Variants in AGAP1 observed in about 807,000 individuals in gnomAD.
AGAP1 encodes ArfGAP with GTPase domain, ankyrin repeat and PH domain 1.
AGAP1 carries 29 observed loss-of-function variants against 105.3 expected under a neutral mutation model. The observed-to-expected ratio is 0.28, with a 90% CI of 0.21 to 0.38. The LOEUF is 0.38. Ranked by LOEUF, AGAP1 falls within the 10% of genes least tolerant of loss-of-function variation. The probability of loss-of-function intolerance (pLI) is 1.00; values close to 1 mark genes in which losing one functional copy is unlikely to be tolerated. For missense variants in AGAP1, 998 were observed against 1,165.1 expected (o/e 0.86, Z 2.09); for synonymous variants, 509 against 485.9 (o/e 1.05, Z -0.63).
chr2:235,885,598 G>C (rs546222683), intron 10 of AGAP1, among the ~76,000 whole-genome samples: 1 of 152,178 alleles, frequency 6.6e-6, no homozygotes, highest in Non-Finnish European at 1.5e-5. Flanking sequence ...CCTTTTCTCT[G>C]CCCTCTCAAG....
chr2:235,827,256 T>C (rs1028415140), intron 9 of AGAP1, among the ~76,000 whole-genome samples: 1 of 152,160 alleles, frequency 6.6e-6, no homozygotes, highest in Non-Finnish European at 1.5e-5. Context: ...TTTCTCCAAG[T>C]GTTTGAGTGA....
At chr2:235,923,478 C>T (rs1368095122) in intron 11 of AGAP1, among the ~76,000 whole-genome samples, 1 of 152,190 alleles carries the variant, frequency 6.6e-6, no homozygotes, top group Non-Finnish European at 1.5e-5. Flanking sequence ...AGCAGGTAGC[C>T]AGCCCTCATG....
intron 1 of AGAP1, among the ~76,000 whole-genome samples, chr2:235,573,153 A>AT (rs1944630025): frequency 7.8e-6 from 1 of 128,646 alleles, no homozygotes; most frequent in Admixed American, 7.9e-5. Flanking sequence ...CCCAGGCTGC[A>AT]TTGCAGTGGC....
In AGAP1 at chr2:235,983,026, C is replaced by T. The variant is rs901310278; in HGVS notation, c.1645+14403C>T. Among the ~76,000 whole-genome samples, 3 of 152,130 alleles carry T rather than the reference C, an allele frequency of 2.0e-5. No homozygotes were observed. The highest frequency in any genetic ancestry group is 6.5e-5 in the Admixed American group (1 of 15,276). On this transcript the variant is annotated intron_variant, in intron 13 of 17. Transcript: ENST00000304032. The surrounding 1 kb of genome is among the most constrained non-coding windows in gnomAD (Gnocchi z 4.5). ...CACTCCTCCACACTGTTCAGATGAG[C>T]GATGTGTGAGCATGAGGAGACATTC...
rs936520402 is a variant in AGAP1, at chr2:235,970,648, C to T, written c.1645+2025C>T. Among the ~76,000 whole-genome samples, 3 of 152,212 alleles carry T rather than the reference C, an allele frequency of 2.0e-5. No homozygotes were observed. The highest frequency in any genetic ancestry group is 7.2e-5 in the African/African-American group (3 of 41,450). On this transcript the variant is annotated intron_variant, in intron 13 of 17. Coordinates refer to ENST00000304032, the MANE Select transcript of AGAP1 (RefSeq NM_001037131.3). This position sits in a 1 kb window ranked among gnomAD's most constrained non-coding sequence, Gnocchi z 5.4. ...ACAACCTGGTGGGAACTGACCGTTG[C>T]CACTTAGATACACGTTCATTATCCC...
intron 13 of AGAP1, among the ~76,000 whole-genome samples, chr2:235,990,518 C>T (rs912595759): frequency 6.6e-6 from 1 of 152,226 alleles, no homozygotes; most frequent in Non-Finnish European, 1.5e-5. Flanking sequence ...CTGGGGCTGT[C>T]AGCCAGAACA....
intron 1 of AGAP1, among the ~76,000 whole-genome samples, chr2:235,579,871 C>T (rs1475237740): frequency 6.6e-6 from 1 of 152,240 alleles, no homozygotes; most frequent in Non-Finnish European, 1.5e-5. Flanking sequence ...CACCCCCGCC[C>T]AGGGGAAACC....
Position 235,728,887 on chromosome 2 carries a change from G to T in AGAP1, c.310+11243G>T, listed in dbSNP as rs756446406. ...GTTGGATGAAGAAGGGAGGTTTGGA[G>T]CCTGGACGAGAGCAGGGGTTGTGGA... On this transcript the variant is annotated intron_variant, in intron 3 of 17. Coordinates refer to ENST00000304032, the MANE Select transcript of AGAP1 (RefSeq NM_001037131.3). This position sits in a 1 kb window ranked among gnomAD's most constrained non-coding sequence, Gnocchi z 4.3. Among the ~76,000 whole-genome samples the T allele has an allele frequency of 2.0e-5, 3 of 152,136 alleles. No individual in the cohort carries two copies. The highest frequency in any genetic ancestry group is 4.4e-5 in the Non-Finnish European group (3 of 68,024).
In AGAP1 at chr2:235,738,959, A is replaced by C. The variant is rs143460165; in HGVS notation, c.311-2004A>C. On this transcript the variant is annotated intron_variant, in intron 3 of 17. Coordinates refer to ENST00000304032, the MANE Select transcript of AGAP1 (RefSeq NM_001037131.3). ...TAAAAAGTTTTTTTAAAGGGAAATA[A>C]TACTACTATCACTGTTGCAGACTTT... Among the ~76,000 whole-genome samples the C allele has an allele frequency of 2.3e-3, 357 of 152,338 alleles. 4 individuals carry two copies. Among genetic ancestry groups the C allele is most frequent in the East Asian group, 0.02 (105 of 5,188 alleles).
At chr2:235,778,591 A>G (rs1281712172) in intron 6 of AGAP1, among the ~76,000 whole-genome samples, 1 of 151,930 alleles carries the variant, frequency 6.6e-6, no homozygotes, top group African/African-American at 2.4e-5. Context: ...TCTCCTCCCT[A>G]GTTCAGTTCT....
Position 235,689,298 on chromosome 2 carries a change from C to T in AGAP1, c.164-19881C>T, listed in dbSNP as rs906493624. Among the ~76,000 whole-genome samples, 4 of 152,276 alleles carry T rather than the reference C, an allele frequency of 2.6e-5. No homozygotes were observed. Among genetic ancestry groups the T allele is most frequent in the South Asian group, 2.1e-4 (1 of 4,822 alleles). ...AGAGCAATGGAGAGAGTGAGGTTGC[C>T]GTGTCCACAAGTCACTGCACAGCTC... On this transcript the variant is annotated intron_variant, in intron 1 of 17. Transcript: ENST00000304032. This position sits in a 1 kb window ranked among gnomAD's most constrained non-coding sequence, Gnocchi z 4.2.
chr2:235,944,066 G>T (rs922620933), intron 12 of AGAP1, among the ~76,000 whole-genome samples: 4 of 152,094 alleles, frequency 2.6e-5, no homozygotes, highest in Non-Finnish European at 4.4e-5. Flanking sequence ...AACATATTTA[G>T]TTATAAATGC....
At position 235,855,184 on chromosome 2, in the gene AGAP1, C is replaced by G. The variant is rs562402746; in HGVS notation, c.1051-28161C>G. ...CCTCATCAGGCCCCAGGTGGAAAAT[C>G]GGCGTGGTGACGCATGTGCTGCCAT... is the stretch of plus-strand genomic sequence containing the variant. On this transcript the variant is annotated intron_variant, in intron 9 of 17. Transcript: ENST00000304032. The surrounding 1 kb of genome is among the most constrained non-coding windows in gnomAD (Gnocchi z 5.0). Among the ~76,000 whole-genome samples the G allele has an allele frequency of 6.6e-6, 1 of 152,198 alleles. No homozygotes were observed. The highest frequency in any genetic ancestry group is 2.4e-5 in the African/African-American group (1 of 41,448).
chr2:235,940,032 A>T (rs1393870365), intron 12 of AGAP1, among the ~76,000 whole-genome samples: 1 of 152,118 alleles, frequency 6.6e-6, no homozygotes, highest in African/African-American at 2.4e-5. Context: ...AGCATATTTG[A>T]AGAACTCCAG....
At position 236,014,910 on chromosome 2, in the gene AGAP1, C is replaced by T. The variant is rs904421957; in HGVS notation, c.1646-21651C>T. 1.3e-5 allele frequency: 5 copies of T among 375,460 alleles called. No homozygotes were observed. Among genetic ancestry groups the T allele is most frequent in the Non-Finnish European group, 2.2e-5 (4 of 180,978 alleles). The allele number at this position is 375,460 out of a possible 1,614,324, so 23.3% of individuals were successfully genotyped here. A position where few individuals can be genotyped will look rare whatever the true frequency, so the allele number is the denominator to read the frequency against. ...GCCTCCGCACCTCCACCCGCCCACA[C>T]CTCCACCTGCCTCTTCCCCTCTCAT... is the stretch of plus-strand genomic sequence containing the variant. On this transcript the variant is annotated intron_variant, in intron 13 of 17. Coordinates refer to ENST00000304032, the MANE Select transcript of AGAP1 (RefSeq NM_001037131.3). The surrounding 1 kb of genome is among the most constrained non-coding windows in gnomAD (Gnocchi z 6.3).
intron 16 of AGAP1, among the ~76,000 whole-genome samples, chr2:236,063,538 C>T (rs944359013): frequency 1.3e-5 from 2 of 152,190 alleles, no homozygotes; most frequent in South Asian, 2.1e-4. Flanking sequence ...AAAATCTTGA[C>T]GAGATTATTT....
At chr2:235,576,972 C>T (rs1291112886) in intron 1 of AGAP1, among the ~76,000 whole-genome samples, 1 of 152,176 alleles carries the variant, frequency 6.6e-6, no homozygotes. Flanking sequence ...TGCTTCTTCC[C>T]CTCCTTCCAC....
chr2:235,835,144 C>T (rs1165655020), intron 9 of AGAP1, among the ~76,000 whole-genome samples: 5 of 152,296 alleles, frequency 3.3e-5, no homozygotes, highest in Admixed American at 6.5e-5. Context: ...GTGTGTTCCC[C>T]GGGCATGCGT....
rs1223045143 is a variant in AGAP1 at position 235,690,819 on chromosome 2, T to TC, written c.164-18359dup. Reference sequence around the variant, plus strand: ...TTTCTTCTTGATTTATTTATTTTTTTCTCCAGTCTAGTCATAGTATTGGTT... The same window carrying TC: ...TTTCTTCTTGATTTATTTATTTTTTTCCTCCAGTCTAGTCATAGTATTGGTT... On this transcript the variant is annotated intron_variant, in intron 1 of 17. Coordinates refer to ENST00000304032, the MANE Select transcript of AGAP1 (RefSeq NM_001037131.3). The surrounding 1 kb of genome is among the most constrained non-coding windows in gnomAD (Gnocchi z 4.1). Among the ~76,000 whole-genome samples, 2 of 152,184 alleles carry TC rather than the reference T, an allele frequency of 1.3e-5. No homozygotes were observed.
Sources: allele counts gnomAD v4.1 joint callset (sites outside exome capture counted in the v4.1 genomes callset), GRCh38; gene constraint gnomAD v4.1.1; non-coding constraint Gnocchi (gnomAD v3.1); transcripts MANE v1.5; gene names NCBI Gene and HGNC (gene_info 2026-07-23, HGNC 2026-07-21).